R3HCC1L: variants seen among roughly 807,000 people sequenced by gnomAD.
R3HCC1L encodes the protein R3H domain and coiled-coil containing 1 like, also known as coiled-coil domain-containing protein R3HCC1L.
R3HCC1L carries 51 observed loss-of-function variants against 59.9 expected under a neutral mutation model. The observed-to-expected ratio is 0.85, with a 90% CI of 0.68 to 1.07. The LOEUF (loss-of-function observed/expected upper bound fraction) is 1.07, where lower values mean the gene tolerates loss of function less well. Ranked by LOEUF, R3HCC1L falls within the 50% of genes least tolerant of loss-of-function variation. The probability of loss-of-function intolerance (pLI) is 0.00; values close to 1 mark genes in which losing one functional copy is unlikely to be tolerated. For synonymous variants in R3HCC1L, 322 were observed against 315.2 expected (o/e 1.02, Z -0.23); for missense variants, 965 against 933.0 (o/e 1.03, Z -0.45).
chr10:98,171,194 A>G (rs1181347065), intron 4 of R3HCC1L, among the ~76,000 whole-genome samples: 2 of 152,224 alleles, frequency 1.3e-5, no homozygotes, highest in Non-Finnish European at 2.9e-5. Flanking sequence ...CCAGTCTTGC[A>G]TTGCCACTTA....
rs1041428184 is a variant in R3HCC1L, at chr10:98,161,855, C to A, written c.-212-1028C>A. ...TTTAGTGTTTTCCTGACTATTCTTG[C>A]ATGTCTGTTTTTCTGTTGAACTTTA... On this transcript the variant is annotated intron_variant, in intron 2 of 9. Transcript: ENST00000298999. 2.0e-5 allele frequency among the ~76,000 whole-genome samples: 3 copies of A among 152,068 alleles called. No individual in the cohort carries two copies. The East Asian group carries it at 5.8e-4, about 29-fold the overall frequency.
At chr10:98,180,408 A>C (rs1433879057) in intron 4 of R3HCC1L, among the ~76,000 whole-genome samples, 6 of 152,164 alleles carry the variant, frequency 3.9e-5, no homozygotes, top group African/African-American at 7.2e-5. Flanking sequence ...CTTTGATTGC[A>C]CTATGGTCTG....
At chr10:98,171,645 G>A (rs1848520572) in intron 4 of R3HCC1L, among the ~76,000 whole-genome samples, 1 of 152,142 alleles carries the variant, frequency 6.6e-6, no homozygotes, top group Non-Finnish European at 1.5e-5. Flanking sequence ...AGTTAATAGT[G>A]AAACATTATG....
At chr10:98,176,636 A>G (rs1199003562) in intron 4 of R3HCC1L, among the ~76,000 whole-genome samples, 1 of 152,146 alleles carries the variant, frequency 6.6e-6, no homozygotes, top group Non-Finnish European at 1.5e-5. Flanking sequence ...GCAGAAGATT[A>G]TGTCATCTGC....
chr10:98,211,305 AG>A, intron 5 of R3HCC1L: 1 of 1,506,388 alleles, frequency 6.6e-7, no homozygotes, highest in South Asian at 1.2e-5. Context: ...CAACTTTTTC[AG>A]GGGATTCTGA....
chr10:98,244,117 C>T lies in R3HCC1L; in HGVS notation c.2296C>T (p.Arg766Trp), dbSNP rs200017417. 92 of 1,613,902 alleles carry T rather than the reference C, an allele frequency of 5.7e-5. No individual in the cohort carries two copies. The highest frequency in any genetic ancestry group is 2.5e-4 in the East Asian group (11 of 44,878). Residue 766 changes from arginine to tryptophan, a missense_variant, in exon 10 of 10, where the codon CGG (arginine) becomes TGG (tryptophan). Coordinates refer to ENST00000298999, the MANE Select transcript of R3HCC1L (RefSeq NM_001351015.2). ...RERKRLEAKQ[R>W]EDIWEGRDQS... ...GAGAAAGCGGTTGGAAGCCAAGCAACGGGAAGACATCTGGGAAGGCAGAGA... is the reference window on the plus strand; with the variant it reads ...GAGAAAGCGGTTGGAAGCCAAGCAATGGGAAGACATCTGGGAAGGCAGAGA...
intron 4 of R3HCC1L, among the ~76,000 whole-genome samples, chr10:98,167,697 A>C (rs530321333): frequency 1.2e-4 from 18 of 152,312 alleles, no homozygotes; most frequent in African/African-American, 4.3e-4. Flanking sequence ...GGACTTTGAA[A>C]TCCAATCCAC....
At chr10:98,175,115 T>C (rs533773145) in intron 4 of R3HCC1L, among the ~76,000 whole-genome samples, 35 of 152,238 alleles carry the variant, frequency 2.3e-4, no homozygotes, top group African/African-American at 8.4e-4. Context: ...AAGTAATGAC[T>C]GCAGAATTAA....
At chr10:98,230,042 C>CT (rs151102921) in intron 5 of R3HCC1L, among the ~76,000 whole-genome samples, 52,499 of 151,822 alleles carry the variant, frequency 0.35, 9,080 homozygotes, top group East Asian at 0.48. Context: ...CTGAAATTCT[C>CT]TTTTTTTGTT....
intron 4 of R3HCC1L, among the ~76,000 whole-genome samples, chr10:98,206,628 T>C (rs2135218984): frequency 6.6e-6 from 1 of 152,304 alleles, no homozygotes; most frequent in African/African-American, 2.4e-5. Flanking sequence ...GTTTAATCTT[T>C]TGTGAGTCCA....
At chr10:98,200,445 T>C (rs1434883716) in intron 4 of R3HCC1L, among the ~76,000 whole-genome samples, 2 of 152,126 alleles carry the variant, frequency 1.3e-5, no homozygotes, top group African/African-American at 4.8e-5. Context: ...TAAGTAATAA[T>C]AGCTGACTTT....
chr10:98,204,043 C>T (rs1441467314), intron 4 of R3HCC1L, among the ~76,000 whole-genome samples: 1 of 152,042 alleles, frequency 6.6e-6, no homozygotes, highest in African/African-American at 2.4e-5. Context: ...GGATTCTGTC[C>T]AGTTAAGAAG....
intron 4 of R3HCC1L, among the ~76,000 whole-genome samples, chr10:98,176,019 T>C (rs934104972): frequency 7.9e-5 from 12 of 152,120 alleles, no homozygotes; most frequent in African/African-American, 2.9e-4. Context: ...TCGGCACCAT[T>C]TTTTGGAAAG....
At chr10:98,236,653 G>A (rs1856995365) in intron 9 of R3HCC1L, among the ~76,000 whole-genome samples, 1 of 152,204 alleles carries the variant, frequency 6.6e-6, no homozygotes, top group Admixed American at 6.5e-5. Context: ...AGACAGTCCT[G>A]AGTGGCTCCA....
chr10:98,221,492 C>G (rs1308325688), intron 5 of R3HCC1L, among the ~76,000 whole-genome samples: 1 of 151,662 alleles, frequency 6.6e-6, no homozygotes, highest in Non-Finnish European at 1.5e-5. Flanking sequence ...AGGTTTTCTT[C>G]TAGGGTTTTT....
intron 4 of R3HCC1L, among the ~76,000 whole-genome samples, chr10:98,193,863 A>ATGG (rs1338072883): frequency 2.0e-5 from 3 of 152,184 alleles, no homozygotes; most frequent in Non-Finnish European, 4.4e-5. Context: ...ATATTGATGC[A>ATGG]ATACTGTTGT....
rs553531832 is a variant in R3HCC1L at position 98,240,393 on chromosome 10, C to T, written c.2270-3698C>T. On this transcript the variant is annotated intron_variant, in intron 9 of 9. Transcript: ENST00000298999. ...CACTCATCCAGATATTTGATTCCCA[C>T]CTAAAACTGGACTTAGATATCGTTA... is the stretch of plus-strand genomic sequence containing the variant. Among the ~76,000 whole-genome samples the T allele has an allele frequency of 2.6e-5, 4 of 152,332 alleles. No individual in the cohort carries two copies. The South Asian group carries it at 6.2e-4, about 24-fold the overall frequency.
At chr10:98,223,221 G>A (rs963924033) in intron 5 of R3HCC1L, among the ~76,000 whole-genome samples, 15 of 152,142 alleles carry the variant, frequency 9.9e-5, no homozygotes, top group Non-Finnish European at 2.1e-4. Context: ...CCAAAGCCAC[G>A]CAGAGACACA....
chr10:98,155,741 G>A (rs1846788662), intron 1 of R3HCC1L, among the ~76,000 whole-genome samples: 1 of 150,838 alleles, frequency 6.6e-6, no homozygotes, highest in South Asian at 2.1e-4. Context: ...ATTTCTTCTG[G>A]CATCAACATA....
Sources: gnomAD v4.1 joint callset for allele counts (sites outside exome capture counted in the v4.1 genomes callset) on GRCh38, gnomAD v4.1.1 for gene constraint, MANE v1.5 for transcripts, NCBI Gene and HGNC (gene_info 2026-07-23, HGNC 2026-07-21) for gene names.